Variants in FBXL13 observed in about 807,000 individuals in gnomAD.
FBXL13 encodes the protein F-box and leucine-rich repeat protein 13.
Under a neutral mutation model 83.6 loss-of-function variants are expected in FBXL13, and 67 were observed. The ratio of observed to expected loss-of-function variants is 0.80; its 90% CI spans 0.66 to 0.98. The LOEUF (loss-of-function observed/expected upper bound fraction) is 0.98, where lower values mean the gene tolerates loss of function less well. FBXL13 is among the 50% of genes least tolerant of loss of function. The probability of loss-of-function intolerance (pLI) is 0.00; values close to 1 mark genes in which losing one functional copy is unlikely to be tolerated. For synonymous variants in FBXL13, 272 were observed against 299.5 expected (o/e 0.91, Z 0.95); for missense variants, 822 against 866.5 (o/e 0.95, Z 0.64).
chr7:102,917,161 T>C (rs1181288019), intron 10 of FBXL13, among the ~76,000 whole-genome samples: 1 of 152,226 alleles, frequency 6.6e-6, no homozygotes, highest in African/African-American at 2.4e-5. Flanking sequence ...AATGGAGTGA[T>C]CTGGCCTTCT....
chr7:103,043,524 A>G (rs989642080), intron 2 of FBXL13, among the ~76,000 whole-genome samples: 1 of 152,202 alleles, frequency 6.6e-6, no homozygotes, highest in African/African-American at 2.4e-5. Flanking sequence ...ACACATGCAC[A>G]CGTATGTTTA....
In FBXL13 at chr7:103,024,277, A is replaced by G. The variant is rs572349115; in HGVS notation, c.495+786T>C. ...TGTGGTGGTTCATGCCTGTAATCCC[A>G]GCACTTTGGGAGGCCAAGGTGGGTG... is the stretch of plus-strand genomic sequence containing the variant. On this transcript the variant is annotated intron_variant, in intron 6 of 19. Transcript: ENST00000313221. Among the ~76,000 whole-genome samples, 4 of 152,004 alleles carry G rather than the reference A, an allele frequency of 2.6e-5. No individual in the cohort carries two copies. The South Asian group carries it at 8.3e-4, about 32-fold the overall frequency.
chr7:102,929,720 C>G (rs1818832572), intron 9 of FBXL13, among the ~76,000 whole-genome samples: 1 of 140,064 alleles, frequency 7.1e-6, no homozygotes, highest in African/African-American at 2.6e-5. Context: ...AAAAAGTGAA[C>G]AGAATTGCAT....
intron 2 of FBXL13, among the ~76,000 whole-genome samples, chr7:103,049,714 C>T (rs1328299027): frequency 1.3e-5 from 2 of 152,194 alleles, no homozygotes; most frequent in Non-Finnish European, 2.9e-5. Context: ...ATTAAGCTGA[C>T]TTTTAACCAT....
intron 6 of FBXL13, among the ~76,000 whole-genome samples, chr7:103,000,681 G>A (rs1790291105): frequency 6.6e-6 from 1 of 152,100 alleles, no homozygotes; most frequent in Non-Finnish European, 1.5e-5. Context: ...CTCAGAGTGG[G>A]GTGTTGAAGT....
chr7:102,992,118 C>T (rs1829634364), intron 6 of FBXL13, among the ~76,000 whole-genome samples: 1 of 152,110 alleles, frequency 6.6e-6, no homozygotes, highest in Admixed American at 6.5e-5. Context: ...TTCATCCAAC[C>T]CCCTTGACCC....
chr7:103,033,241 C>T (rs1246246288), intron 2 of FBXL13, among the ~76,000 whole-genome samples: 3 of 152,096 alleles, frequency 2.0e-5, no homozygotes, highest in Non-Finnish European at 4.4e-5. Flanking sequence ...GGTGGGGAGC[C>T]ACATGTCATC....
chr7:102,942,139 T>C lies in FBXL13; in HGVS notation c.725-10206A>G, dbSNP rs1585057693. The C allele has an allele frequency of 1.1e-5, 6 of 536,282 alleles. No individual in the cohort carries two copies. The East Asian group carries it at 1.8e-4, about 16-fold the overall frequency. 33.2% of individuals were successfully genotyped at this position (536,282 alleles called of 1,614,324 possible). A position where few individuals can be genotyped will look rare whatever the true frequency, so the allele number is the denominator to read the frequency against. On this transcript the variant is annotated intron_variant, in intron 8 of 19. Transcript: ENST00000313221. The stretch of plus-strand genomic sequence containing the variant: ...TTTGTTCAATTCAATCTCAGGAACG[T>C]ATTTCCTACATTAATAAATATTTAC...
chr7:102,972,069 G>T (rs1276712745), intron 6 of FBXL13, among the ~76,000 whole-genome samples: 2 of 151,710 alleles, frequency 1.3e-5, no homozygotes, highest in Non-Finnish European at 2.9e-5. Flanking sequence ...GACATAGACT[G>T]AGAGTTTGCT....
At chr7:102,903,947 T>TTTTC (rs1813350572) in intron 11 of FBXL13, among the ~76,000 whole-genome samples, 5 of 142,924 alleles carry the variant, frequency 3.5e-5, no homozygotes, top group African/African-American at 1.1e-4. Flanking sequence ...TTCTTTTTTT[T>TTTTC]TTTTTTTTTT....
intron 16 of FBXL13, among the ~76,000 whole-genome samples, chr7:102,863,518 G>T (rs1807181727): frequency 6.6e-6 from 1 of 151,846 alleles, no homozygotes; most frequent in Non-Finnish European, 1.5e-5. Flanking sequence ...AAAATTGGGG[G>T]GGGGGATGGT....
In FBXL13 at chr7:102,883,579, ATCTT is replaced by A. The variant is rs1358781605; in HGVS notation, c.1210_1213del (p.Lys404SerfsTer17). 2.5e-6 allele frequency: 4 copies of A among 1,607,986 alleles called. No homozygotes were observed. Among genetic ancestry groups the A allele is most frequent in the Admixed American group, 1.7e-5 (1 of 59,672 alleles). On this transcript the variant is annotated frameshift_variant, in exon 13 of 20. Transcript: ENST00000313221. LOFTEE classifies it high-confidence loss of function. ...TTAATATAACAGACCTTCAAATCGG[ATCTT>A]TCTGAGTTTACAAGCAGAAAGAGCT... is the stretch of plus-strand genomic sequence containing the variant.
intron 8 of FBXL13, among the ~76,000 whole-genome samples, chr7:102,955,124 T>C (rs544626964): frequency 7.9e-5 from 12 of 152,140 alleles, no homozygotes; most frequent in Non-Finnish European, 1.3e-4. Context: ...TATTCTAAAA[T>C]TGACCACATA....
At chr7:102,946,240 T>C (rs1822474694) in intron 8 of FBXL13, among the ~76,000 whole-genome samples, 1 of 152,204 alleles carries the variant, frequency 6.6e-6, no homozygotes, top group African/African-American at 2.4e-5. Context: ...CATATGCTAC[T>C]TCTAATTCTC....
intron 16 of FBXL13, among the ~76,000 whole-genome samples, chr7:102,872,870 T>G (rs564381376): frequency 1.2e-4 from 19 of 152,298 alleles, no homozygotes; most frequent in African/African-American, 4.3e-4. Context: ...AATTGACATA[T>G]TTCCTCTTTC....
chr7:102,876,362 C>A (rs1482611957), intron 16 of FBXL13, among the ~76,000 whole-genome samples: 1 of 152,102 alleles, frequency 6.6e-6, no homozygotes, highest in East Asian at 1.9e-4. Context: ...ACTGACCCTG[C>A]CATAATGAGT....
intron 6 of FBXL13, among the ~76,000 whole-genome samples, chr7:102,986,017 G>GC (rs112694559): frequency 0.23 from 34,547 of 147,652 alleles, 4,382 homozygotes; most frequent in African/African-American, 0.35. Flanking sequence ...CTGGCACGAT[G>GC]CCCCCCCCCC....
intron 7 of FBXL13, among the ~76,000 whole-genome samples, chr7:102,964,404 A>ATATATATATATATATTTTTTTTTTTT (rs796873670): frequency 7.0e-6 from 1 of 143,270 alleles, no homozygotes; most frequent in African/African-American, 2.6e-5. Context: ...ATATATATAT[A>ATATATATATATATATTTTTTTTTTTT]TTTTTTTTTT....
chr7:102,958,302 C>T (rs773907435), intron 8 of FBXL13, among the ~76,000 whole-genome samples: 12 of 151,850 alleles, frequency 7.9e-5, no homozygotes, highest in South Asian at 2.1e-4. Context: ...AACCAAACAC[C>T]GCATGTTCTC....
Sources: gnomAD v4.1 joint callset for allele counts (sites outside exome capture counted in the v4.1 genomes callset) on GRCh38, gnomAD v4.1.1 for gene constraint, MANE v1.5 for transcripts, NCBI Gene and HGNC (gene_info 2026-07-23, HGNC 2026-07-21) for gene names.